The following CNTLN variants were observed in gnomAD, a reference collection of about 807,000 sequenced individuals.
The protein encoded by CNTLN is centlein, also known as centlein, centrosomal protein.
A neutral mutation model predicts 180.0 loss-of-function variants in CNTLN; 212 were observed. The observed-to-expected ratio is 1.18, with a 90% CI of 1.05 to 1.32. The LOEUF (loss-of-function observed/expected upper bound fraction) is 1.32. Ranked by LOEUF, CNTLN falls within the 40% of genes most tolerant of loss-of-function variation. The pLI, the probability that CNTLN is intolerant of heterozygous loss-of-function variation, is 0.00. For synonymous variants in CNTLN, 722 were observed against 563.1 expected (o/e 1.28, Z -3.99); for missense variants, 2,095 against 1,610.9 (o/e 1.30, Z -5.14).
intron 2 of CNTLN, among the ~76,000 whole-genome samples, chr9:17,145,760 C>T (rs770340057): frequency 7.9e-5 from 12 of 152,146 alleles, no homozygotes; most frequent in Non-Finnish European, 1.8e-4. Context: ...GAACTTATTA[C>T]ACAGTTTCTA....
chr9:17,314,143 C>G (rs188103229), intron 8 of CNTLN, among the ~76,000 whole-genome samples: 2 of 152,160 alleles, frequency 1.3e-5, no homozygotes, highest in Non-Finnish European at 2.9e-5. Context: ...CCAACTTGCT[C>G]TTAAGTCTTT....
chr9:17,172,265 G>A (rs1350233266), intron 2 of CNTLN, among the ~76,000 whole-genome samples: 1 of 152,136 alleles, frequency 6.6e-6, no homozygotes, highest in East Asian at 1.9e-4. Context: ...GGACTGTTAA[G>A]CTCCTTAGCA....
At chr9:17,224,634 G>A (rs1014695611) in intron 2 of CNTLN, among the ~76,000 whole-genome samples, 1 of 151,830 alleles carries the variant, frequency 6.6e-6, no homozygotes, top group African/African-American at 2.4e-5. Flanking sequence ...CTAGTTTTGA[G>A]CTTAGTCCAT....
chr9:17,397,760 C>T (rs1455926108), intron 15 of CNTLN, among the ~76,000 whole-genome samples: 1 of 152,112 alleles, frequency 6.6e-6, no homozygotes, highest in Non-Finnish European at 1.5e-5. Flanking sequence ...CACAAGGTCA[C>T]ATACTTTGAG....
chr9:17,352,408 ATATATATATTT>A (rs777982710), intron 12 of CNTLN, among the ~76,000 whole-genome samples: 1,106 of 45,296 alleles, frequency 0.024, 9 homozygotes, highest in South Asian at 0.05. Flanking sequence ...ATATATATAT[ATATATATATTT>A]TTTTTTTTTT....
At chr9:17,261,867 T>G (rs1382991988) in intron 5 of CNTLN, among the ~76,000 whole-genome samples, 1 of 151,354 alleles carries the variant, frequency 6.6e-6, no homozygotes, top group African/African-American at 2.4e-5. Context: ...ACAAGGAACT[T>G]AAACAAATTT....
At chr9:17,323,295 G>T (rs955621504) in intron 8 of CNTLN, among the ~76,000 whole-genome samples, 1 of 152,036 alleles carries the variant, frequency 6.6e-6, no homozygotes, top group South Asian at 2.1e-4. Context: ...AGCCTACTGC[G>T]CTTCACATTA....
intron 13 of CNTLN, among the ~76,000 whole-genome samples, chr9:17,373,288 C>G (rs1194916303): frequency 1.3e-5 from 2 of 152,024 alleles, no homozygotes; most frequent in Non-Finnish European, 2.9e-5. Flanking sequence ...GTGGAGGATA[C>G]AAAATCAACA....
chr9:17,236,560 A>G lies in CNTLN; in HGVS notation c.821A>G (p.Glu274Gly). 1 of 1,612,984 alleles carries G rather than the reference A, an allele frequency of 6.2e-7. No homozygotes were observed. Among genetic ancestry groups the G allele is most frequent in the Non-Finnish European group, 8.5e-7 (1 of 1,179,492 alleles). The change falls in exon 5 of 26, where the codon GAA becomes GGA. Residue 274 changes from glutamate (E) to glycine (G), a missense_variant. By Grantham distance (98) the Glu-to-Gly change is moderately conservative (BLOSUM62 -2). Transcript: ENST00000380647. ...LRKQEAHLRKEKYSTDAKIKT... is the reference protein window; with the variant it reads ...LRKQEAHLRKGKYSTDAKIKT... ...AAGCAGGAAGCACATTTGAGAAAAG[A>G]AAAATATAGCACTGATGCAAAAATA...
intron 2 of CNTLN, among the ~76,000 whole-genome samples, chr9:17,156,545 GTTAT>G (rs1235518795): frequency 2.0e-5 from 3 of 151,586 alleles, no homozygotes; most frequent in Non-Finnish European, 4.4e-5. Flanking sequence ...AATAAATTGG[GTTAT>G]TTATTCTGTA....
intron 18 of CNTLN, among the ~76,000 whole-genome samples, chr9:17,433,821 T>TC (rs543092168): frequency 1.7e-3 from 254 of 152,258 alleles, no homozygotes; most frequent in African/African-American, 5.8e-3. Flanking sequence ...CCTCAAGCAG[T>TC]CCTCTCACCT....
Position 17,379,359 on chromosome 9 carries a change from C to T in CNTLN, c.1988-8803C>T, listed in dbSNP as rs778206524. Among the ~76,000 whole-genome samples the T allele has an allele frequency of 4.9e-4, 74 of 152,056 alleles. 1 individual carries two copies. Among genetic ancestry groups the T allele is most frequent in the Non-Finnish European group, 5.7e-4 (39 of 68,020 alleles). On this transcript the variant is annotated intron_variant, in intron 13 of 25. Coordinates refer to ENST00000380647, the MANE Select transcript of CNTLN (RefSeq NM_017738.4). ...TTCTCAGGTCTGTACATCTTCAGAG[C>T]TCTCCCTGTATCTGAGTAGATCTCT...
chr9:17,226,170 A>G (rs745483628), intron 2 of CNTLN, 33 bp from the exon 3 acceptor site: 24 of 1,143,192 alleles, frequency 2.1e-5, no homozygotes, highest in Non-Finnish European at 2.9e-5. Flanking sequence ...GCTACCAGTT[A>G]TGACTAATAA....
At chr9:17,358,347 T>G (rs1823015957) in intron 12 of CNTLN, among the ~76,000 whole-genome samples, 1 of 152,064 alleles carries the variant, frequency 6.6e-6, no homozygotes, top group South Asian at 2.1e-4. Context: ...AAAAGTTGAT[T>G]GAAAAGAAGA....
chr9:17,169,200 GT>G (rs1820274539), intron 2 of CNTLN, among the ~76,000 whole-genome samples: 1 of 152,014 alleles, frequency 6.6e-6, no homozygotes, highest in South Asian at 2.1e-4. Flanking sequence ...GGGTCTTGCT[GT>G]TTTGCCAGGC....
intron 2 of CNTLN, among the ~76,000 whole-genome samples, chr9:17,200,525 G>C (rs958237116): frequency 1.3e-5 from 2 of 152,092 alleles, no homozygotes; most frequent in Non-Finnish European, 2.9e-5. Context: ...GCAGTGGTTT[G>C]TAGTTGTCCT....
At chr9:17,285,692 C>CAG in intron 6 of CNTLN, among the ~76,000 whole-genome samples, 2 of 111,216 alleles carry the variant, frequency 1.8e-5, no homozygotes, top group South Asian at 8.3e-4. Flanking sequence ...TTAATGATTG[C>CAG]CATTCTAACT....
chr9:17,429,900 C>G (rs1386956771), intron 18 of CNTLN, among the ~76,000 whole-genome samples: 1 of 151,784 alleles, frequency 6.6e-6, no homozygotes, highest in East Asian at 1.9e-4. Flanking sequence ...ATATGGTTAG[C>G]CAAGCAAAGG....
At chr9:17,166,771 C>A (rs143170291) in intron 2 of CNTLN, 1 of 298,230 alleles carries the variant, frequency 3.4e-6, no homozygotes, top group Non-Finnish European at 6.7e-6. Context: ...ATAATAAAGA[C>A]GTTTTCTGTA....
Sources: allele counts gnomAD v4.1 joint callset (sites outside exome capture counted in the v4.1 genomes callset), GRCh38; gene constraint gnomAD v4.1.1; transcripts MANE v1.5; gene names NCBI Gene and HGNC (gene_info 2026-07-23, HGNC 2026-07-21).